APLNR: variants seen among roughly 807,000 people sequenced by gnomAD.
APLNR encodes the protein APJ (apelin) receptor.
Under a neutral mutation model 23.4 loss-of-function variants are expected in APLNR, and 13 were observed. The observed-to-expected ratio is 0.56, with a 90% CI of 0.36 to 0.88. The LOEUF is 0.88. Ranked by LOEUF, APLNR falls within the 40% of genes least tolerant of loss-of-function variation. APLNR has a pLI of 0.01. For synonymous variants in APLNR, 234 were observed against 211.9 expected (o/e 1.10, Z -0.91); for missense variants, 480 against 517.1 (o/e 0.93, Z 0.70).
chr11:57,236,217 G>A lies in APLNR; in HGVS notation c.788C>T (p.Pro263Leu). The change falls in exon 1 of 1, where the codon CCC becomes CTC. Residue 263 changes from proline to leucine, a missense_variant. Pro to Leu is a moderately conservative substitution (Grantham distance 98). Coordinates refer to ENST00000606794, the MANE Select transcript of APLNR (RefSeq NM_005161.6). ...GTACAGCGTCTTCACCAGGTGGTAG[G>A]GCATCCAGCACAGGGCAAAGGTCAC... is the stretch of plus-strand genomic sequence containing the variant. ...LVVTFALCWM[P>L]YHLVKTLYML... 1 of 1,614,012 alleles carries A rather than the reference G, an allele frequency of 6.2e-7. No homozygotes were observed. The highest frequency in any genetic ancestry group is 8.5e-7 in the Non-Finnish European group (1 of 1,179,962).
rs1854977666 is a variant in APLNR at position 57,234,423 on chromosome 11, C to T, written c.*1439G>A. The T allele has an allele frequency of 6.6e-6, 1 of 152,252 alleles. No individual in the cohort carries two copies. The highest frequency in any genetic ancestry group is 1.5e-5 in the Non-Finnish European group (1 of 68,078). The allele number at this position is 152,252 out of a possible 1,614,324, so 9.4% of individuals were successfully genotyped here. Reference sequence around the variant, plus strand: ...ATGGAGCCCAAGAAGGAGCAGGAACCCAGCTCAGTAGGACGCCCCCAAGCC... The same window carrying T: ...ATGGAGCCCAAGAAGGAGCAGGAACTCAGCTCAGTAGGACGCCCCCAAGCC... On this transcript the variant is annotated 3_prime_UTR_variant, in exon 1 of 1. Coordinates refer to ENST00000606794, the MANE Select transcript of APLNR (RefSeq NM_005161.6).
rs1478236158 is a variant in APLNR, at chr11:57,236,115, A to T, written c.890T>A (p.Ile297Asn). 1 of 1,614,214 alleles carries T rather than the reference A, an allele frequency of 6.2e-7. No individual in the cohort carries two copies. Among genetic ancestry groups the T allele is most frequent in the East Asian group, 2.2e-5 (1 of 44,870 alleles). The change falls in exon 1 of 1, where the codon ATC becomes AAC. Residue 297 changes from isoleucine to asparagine, a missense_variant. Physicochemically the swap from Ile to Asn is moderately radical, Grantham distance 149. Coordinates refer to ENST00000606794, the MANE Select transcript of APLNR (RefSeq NM_005161.6). The part of the protein sequence containing the change: ...LMNIFPYCTC[I>N]SYVNSCLNPF... ...GTTGAGGCAGCTGTTGACGTAGCTG[A>T]TGCAGGTGCAGTAGGGGAAGATGTT... is the stretch of plus-strand genomic sequence containing the variant.
At position 57,236,233 on chromosome 11, in the gene APLNR, C is replaced by A. The variant is rs762395563; in HGVS notation, c.772G>T (p.Ala258Ser). The change falls in exon 1 of 1, where the codon GCC becomes TCC. Residue 258 changes from alanine to serine, a missense_variant. Coordinates refer to ENST00000606794, the MANE Select transcript of APLNR (RefSeq NM_005161.6). ...AGGTGGTAGGGCATCCAGCACAGGG[C>A]AAAGGTCACCACCAGCACCACGATG... ...SIIVVLVVTF[A>S]LCWMPYHLVK... 3 of 1,613,876 alleles carry A rather than the reference C, an allele frequency of 1.9e-6. No homozygotes were observed. In the Admixed American group the frequency reaches 5.0e-5, roughly 27 times the overall value.
In APLNR at chr11:57,236,198, C is replaced by T. The variant is rs146141809; in HGVS notation, c.807G>A (p.Thr269=). The change falls in exon 1 of 1, where the codon ACG becomes ACA. Residue 269 remains threonine (T), a synonymous_variant. Coordinates refer to ENST00000606794, the MANE Select transcript of APLNR (RefSeq NM_005161.6). ...LCWMPYHLVK[T]LYMLGSLLHW... is the part of the protein sequence containing the mutation. ...GCAGCAGGCTGCCCAGCATGTACAGCGTCTTCACCAGGTGGTAGGGCATCC... is the reference window on the plus strand; with the variant it reads ...GCAGCAGGCTGCCCAGCATGTACAGTGTCTTCACCAGGTGGTAGGGCATCC... 1.8e-5 allele frequency: 29 copies of T among 1,614,052 alleles called. 1 individual carries two copies. The South Asian group carries it at 2.0e-4, about 11-fold the overall frequency.
At position 57,235,550 on chromosome 11, in the gene APLNR, T is replaced by G. The variant is rs1027446434; in HGVS notation, c.*312A>C. Reference sequence around the variant, plus strand: ...GCAGCAGAGGGAAACAAGCTTTTACTGCGTCCAGACTCAGGCTTCAACATT... The same window carrying G: ...GCAGCAGAGGGAAACAAGCTTTTACGGCGTCCAGACTCAGGCTTCAACATT... On this transcript the variant is annotated 3_prime_UTR_variant, in exon 1 of 1. Coordinates refer to ENST00000606794, the MANE Select transcript of APLNR (RefSeq NM_005161.6). 2.7e-5 allele frequency: 7 copies of G among 254,794 alleles called. No homozygotes were observed. Among genetic ancestry groups the G allele is most frequent in the South Asian group, 2.7e-4 (2 of 7,386 alleles). The allele number at this position is 254,794 out of a possible 1,614,324, so 15.8% of individuals were successfully genotyped here.
chr11:57,237,117 AG>A lies in APLNR; in HGVS notation c.-114del. ...CTGGCTTGAGCCTCAGAGAGTAAGA[AG>A]GGCTGAAGATGCCCAGAGTCCTTCC... On this transcript the variant is annotated 5_prime_UTR_variant, in exon 1 of 1. Transcript: ENST00000606794. 8.7e-7 allele frequency: 1 copy of A among 1,146,540 alleles called. No homozygotes were observed. The allele number at this position is 1,146,540 out of a possible 1,614,324, so 71.0% of individuals were successfully genotyped here.
rs1590543969 is a variant in APLNR at position 57,235,655 on chromosome 11, T to G, written c.*207A>C. ...GTGAGATTAAATGGCTTGTGCAGGG[T>G]CAGGTCTGTAGAGCCCAGTCTCTTT... On this transcript the variant is annotated 3_prime_UTR_variant, in exon 1 of 1. Transcript: ENST00000606794. 1.8e-6 allele frequency: 1 copy of G among 568,270 alleles called. No individual in the cohort carries two copies. Among genetic ancestry groups the G allele is most frequent in the South Asian group, 2.8e-5 (1 of 35,214 alleles). 35.2% of individuals were successfully genotyped at this position (568,270 alleles called of 1,614,324 possible). A position where few individuals can be genotyped will look rare whatever the true frequency, so the allele number is the denominator to read the frequency against.
chr11:57,236,565 G>T lies in APLNR; in HGVS notation c.440C>A (p.Ala147Asp). The T allele has an allele frequency of 6.2e-7, 1 of 1,613,516 alleles. No homozygotes were observed. The highest frequency in any genetic ancestry group is 8.5e-7 in the Non-Finnish European group (1 of 1,179,866). Residue 147 changes from alanine (A) to aspartate (D), a missense_variant, in exon 1 of 1, where the codon GCC becomes GAC. By Grantham distance (126) the Ala-to-Asp change is moderately radical. Coordinates refer to ENST00000606794, the MANE Select transcript of APLNR (RefSeq NM_005161.6). ...NARLRLRVSGAVATAVLWVLA... is the reference protein window; with the variant it reads ...NARLRLRVSGDVATAVLWVLA... ...CACCCAAAGAACTGCCGTGGCCACG[G>T]CCCCGCTGACCCGCAGCCTCAGCCG...
chr11:57,236,161 C>A lies in APLNR; in HGVS notation c.844G>T (p.Asp282Tyr), dbSNP rs143772778. The A allele has an allele frequency of 1.2e-6, 2 of 1,614,046 alleles. No individual in the cohort carries two copies. Among genetic ancestry groups the A allele is most frequent in the Admixed American group, 1.7e-5 (1 of 60,004 alleles). Residue 282 changes from aspartate (D) to tyrosine (Y), a missense_variant, in exon 1 of 1, where the codon GAC becomes TAC. Physicochemically the swap from Asp to Tyr is radical, Grantham distance 160. Coordinates refer to ENST00000606794, the MANE Select transcript of APLNR (RefSeq NM_005161.6). Reference protein sequence around the residue: ...MLGSLLHWPCDFDLFLMNIFP... With the variant: ...MLGSLLHWPCYFDLFLMNIFP... ...ATGTTCATGAGGAAGAGGTCAAAGTCACAGGGCCAGTGCAGCAGGCTGCCC... is the reference window on the plus strand; with the variant it reads ...ATGTTCATGAGGAAGAGGTCAAAGTAACAGGGCCAGTGCAGCAGGCTGCCC...
chr11:57,235,816 A>C lies in APLNR; in HGVS notation c.*46T>G. ...CCTGATTTTCAGAAAGCAAGGGCAA[A>C]GGCCGGGGAGGGCCGAGGGCGCCAG... is the stretch of plus-strand genomic sequence containing the variant. On this transcript the variant is annotated 3_prime_UTR_variant, in exon 1 of 1. Coordinates refer to ENST00000606794, the MANE Select transcript of APLNR (RefSeq NM_005161.6). 6.5e-7 allele frequency: 1 copy of C among 1,546,434 alleles called. No homozygotes were observed. Among genetic ancestry groups the C allele is most frequent in the Non-Finnish European group, 8.7e-7 (1 of 1,149,224 alleles).
Position 57,236,413 on chromosome 11 carries a change from C to T in APLNR, c.592G>A (p.Glu198Lys). 4.3e-6 allele frequency: 7 copies of T among 1,614,172 alleles called. No individual in the cohort carries two copies. The highest frequency in any genetic ancestry group is 5.1e-6 in the Non-Finnish European group (6 of 1,179,990). ...GTGGACGAGACCCCAAGGCCCACCT[C>T]CCAGGCCCACTCTGAGCTCACAGTG... ...VATVSSEWAW[E>K]VGLGVSSTTV... Residue 198 changes from glutamate to lysine, a missense_variant, in exon 1 of 1, where the codon GAG (glutamate) becomes AAG (lysine). Transcript: ENST00000606794.
chr11:57,236,120 G>A lies in APLNR; in HGVS notation c.885C>T (p.Thr295=). 1 of 1,614,196 alleles carries A rather than the reference G, an allele frequency of 6.2e-7. No homozygotes were observed. The highest frequency in any genetic ancestry group is 8.5e-7 in the Non-Finnish European group (1 of 1,180,038). Residue 295 remains threonine (T), a synonymous_variant, in exon 1 of 1, where the codon ACC becomes ACT. Transcript: ENST00000606794. Reference sequence around the variant, plus strand: ...GGCAGCTGTTGACGTAGCTGATGCAGGTGCAGTAGGGGAAGATGTTCATGA... The same window carrying A: ...GGCAGCTGTTGACGTAGCTGATGCAAGTGCAGTAGGGGAAGATGTTCATGA... ...LFLMNIFPYC[T]CISYVNSCLN...
At position 57,236,034 on chromosome 11, in the gene APLNR, A is replaced by C. The variant is rs749377510; in HGVS notation, c.971T>G (p.Leu324Arg). Residue 324 changes from leucine (L) to arginine (R), a missense_variant, in exon 1 of 1, where the codon CTC (leucine) becomes CGC (arginine). Coordinates refer to ENST00000606794, the MANE Select transcript of APLNR (RefSeq NM_005161.6). ...TGCGCACCTGCTCTGGCCACAGCAG[A>C]GCATGGAGGTGCAGGCCTGGCGGAA... ...PRFRQACTSM[L>R]CCGQSRCAGT... The C allele has an allele frequency of 1.2e-6, 2 of 1,614,216 alleles. No homozygotes were observed. The highest frequency in any genetic ancestry group is 1.1e-5 in the South Asian group (1 of 91,088).
rs1201194285 is a variant in APLNR, at chr11:57,234,415, G to A, written c.*1447C>T. 6.6e-6 allele frequency: 1 copy of A among 152,238 alleles called. No individual in the cohort carries two copies. 9.4% of individuals were successfully genotyped at this position (152,238 alleles called of 1,614,324 possible). A position where few individuals can be genotyped will look rare whatever the true frequency, so the allele number is the denominator to read the frequency against. On this transcript the variant is annotated 3_prime_UTR_variant, in exon 1 of 1. Transcript: ENST00000606794. ...CTTCCTTCATGGAGCCCAAGAAGGA[G>A]CAGGAACCCAGCTCAGTAGGACGCC... is the stretch of plus-strand genomic sequence containing the variant.
rs956541438 is a variant in APLNR, at chr11:57,234,983, C to T, written c.*879G>A. 8 of 152,240 alleles carry T rather than the reference C, an allele frequency of 5.3e-5. No homozygotes were observed. The highest frequency in any genetic ancestry group is 7.3e-5 in the Non-Finnish European group (5 of 68,066). The allele number at this position is 152,240 out of a possible 1,614,324, so 9.4% of individuals were successfully genotyped here. On this transcript the variant is annotated 3_prime_UTR_variant, in exon 1 of 1. Coordinates refer to ENST00000606794, the MANE Select transcript of APLNR (RefSeq NM_005161.6). ...CTCTCTCTAGTTGCCCTTCCCAACT[C>T]CCCACTCACATAATGAAACCAAGGA... is the stretch of plus-strand genomic sequence containing the variant.
In APLNR at chr11:57,236,959, G is replaced by A; in HGVS notation, c.46C>T (p.Gln16Ter). ...CAGTCTGTGTACTCACACTCAGACTGGTTGTCTGCCCCATAGTAGTTGTCA... is the reference window on the plus strand; with the variant it reads ...CAGTCTGTGTACTCACACTCAGACTAGTTGTCTGCCCCATAGTAGTTGTCA... ...DFDNYYGADN[Q>*]SECEYTDWKS... Residue 16 changes from glutamine (Q) to a stop codon, truncating the protein, a stop_gained, in exon 1 of 1, where the codon CAG becomes TAG. Coordinates refer to ENST00000606794, the MANE Select transcript of APLNR (RefSeq NM_005161.6). LOFTEE classifies it high-confidence loss of function. The A allele has an allele frequency of 6.2e-7, 1 of 1,611,064 alleles. No homozygotes were observed. Among genetic ancestry groups the A allele is most frequent in the Non-Finnish European group, 8.5e-7 (1 of 1,178,746 alleles).
At position 57,236,725 on chromosome 11, in the gene APLNR, C is replaced by T. The variant is rs1855021225; in HGVS notation, c.280G>A (p.Asp94Asn). The T allele has an allele frequency of 6.2e-7, 1 of 1,613,626 alleles. No homozygotes were observed. Among genetic ancestry groups the T allele is most frequent in the African/African-American group, 1.3e-5 (1 of 74,946 alleles). ...LWATYTYRDY[D>N]WPFGTFFCKL... The stretch of plus-strand genomic sequence containing the variant: ...CAGAAGAAGGTCCCAAAGGGCCAGT[C>T]ATAGTCCCGGTACGTGTAGGTAGCC... Residue 94 changes from aspartate to asparagine, a missense_variant, in exon 1 of 1, where the codon GAC becomes AAC. By Grantham distance (23) the Asp-to-Asn change is conservative. Transcript: ENST00000606794.
chr11:57,236,358 A>G lies in APLNR; in HGVS notation c.647T>C (p.Ile216Thr). The change falls in exon 1 of 1, where the codon ATC (isoleucine) becomes ACC (threonine). Residue 216 changes from isoleucine to threonine, a missense_variant. Coordinates refer to ENST00000606794, the MANE Select transcript of APLNR (RefSeq NM_005161.6). ...TTVGFVVPFT[I>T]MLTCYFFIAQ... is the part of the protein sequence containing the mutation. ...GATGAAGAAGTAACAGGTCAGCATGATGGTGAAGGGCACCACAAAGCCCAC... is the reference window on the plus strand; with the variant it reads ...GATGAAGAAGTAACAGGTCAGCATGGTGGTGAAGGGCACCACAAAGCCCAC... 6.2e-7 allele frequency: 1 copy of G among 1,614,158 alleles called. No individual in the cohort carries two copies. The highest frequency in any genetic ancestry group is 8.5e-7 in the Non-Finnish European group (1 of 1,180,006).
Position 57,237,047 on chromosome 11 carries a change from C to A in APLNR, c.-43G>T. 6.6e-7 allele frequency: 1 copy of A among 1,522,216 alleles called. No homozygotes were observed. Among genetic ancestry groups the A allele is most frequent in the Admixed American group, 2.1e-5 (1 of 46,832 alleles). 94.3% of individuals were successfully genotyped at this position (1,522,216 alleles called of 1,614,324 possible). On this transcript the variant is annotated 5_prime_UTR_variant, in exon 1 of 1. Coordinates refer to ENST00000606794, the MANE Select transcript of APLNR (RefSeq NM_005161.6). ...AGACGGGCAGAGGGTCCCAGGGACA[C>A]CAGCTCCGTGGCTCTGTCACCCACT...
Sources: gnomAD v4.1 joint callset for allele counts on GRCh38, gnomAD v4.1.1 for gene constraint, MANE v1.5 for transcripts, NCBI Gene and HGNC (gene_info 2026-07-23, HGNC 2026-07-21) for gene names.